Variants in GLIPR2 observed in about 807,000 individuals in gnomAD.
GLIPR2 encodes the protein GLI pathogenesis related 2.
GLIPR2 carries 21 observed loss-of-function variants against 20.4 expected under a neutral mutation model. The ratio of observed to expected loss-of-function variants is 1.03; its 90% CI spans 0.73 to 1.48. The LOEUF (loss-of-function observed/expected upper bound fraction) is 1.48, where lower values mean the gene tolerates loss of function less well. Among genes scored for constraint, GLIPR2 ranks in the 40% most tolerant of loss-of-function variants. The probability of loss-of-function intolerance (pLI) is 0.00; values close to 1 mark genes in which losing one functional copy is unlikely to be tolerated. For missense variants in GLIPR2, 205 were observed against 200.1 expected (o/e 1.02, Z -0.15); for synonymous variants, 91 against 80.5 (o/e 1.13, Z -0.70).
intron 4 of GLIPR2, among the ~76,000 whole-genome samples, chr9:36,154,905 C>T (rs1270318710): frequency 2.0e-5 from 3 of 152,090 alleles, no homozygotes; most frequent in African/African-American, 4.8e-5. Flanking sequence ...GTGGGAGGGT[C>T]GATGGCCCAA....
At position 36,150,920 on chromosome 9, in the gene GLIPR2, T is replaced by A. The variant is rs747389348; in HGVS notation, c.275T>A (p.Phe92Tyr). ...RWYSEIKNYN[F>Y]QQPGFTSGTG... is the part of the protein sequence containing the mutation. ...TACAGTGAAATCAAGAACTATAACT[T>A]CCAGCAGCCTGGCTTCACCTCGGGG... Residue 92 changes from phenylalanine to tyrosine, a missense_variant, in exon 4 of 5, where the codon TTC becomes TAC. Transcript: ENST00000377960. 7 of 1,613,860 alleles carry A rather than the reference T, an allele frequency of 4.3e-6. No individual in the cohort carries two copies. The South Asian group carries it at 5.5e-5, about 13-fold the overall frequency.
intron 1 of GLIPR2, among the ~76,000 whole-genome samples, chr9:36,137,648 AAG>A (rs1269534514): frequency 6.6e-6 from 1 of 152,178 alleles, no homozygotes; most frequent in African/African-American, 2.4e-5. Context: ...GGCCGGGGAC[AAG>A]AGTTCAGCCA....
intron 1 of GLIPR2, among the ~76,000 whole-genome samples, chr9:36,143,429 C>T (rs1215809837): frequency 6.6e-6 from 1 of 152,194 alleles, no homozygotes; most frequent in African/African-American, 2.4e-5. Flanking sequence ...CATGCATCTC[C>T]CGTGGTGTCC....
At chr9:36,140,220 T>C (rs757287099) in intron 1 of GLIPR2, among the ~76,000 whole-genome samples, 5 of 152,098 alleles carry the variant, frequency 3.3e-5, no homozygotes, top group Non-Finnish European at 7.3e-5. Flanking sequence ...CACCCTCTCA[T>C]CAGCTCTAAG....
intron 2 of GLIPR2, 105 bp from the exon 3 acceptor site, chr9:36,148,442 T>C (rs149583971): frequency 1.9e-4 from 140 of 740,992 alleles, no homozygotes; most frequent in Non-Finnish European, 3.0e-4. Flanking sequence ...TGCTCCTCTG[T>C]GAGCCCGGGG....
At chr9:36,147,213 T>G (rs1825366147) in intron 1 of GLIPR2, among the ~76,000 whole-genome samples, 1 of 152,146 alleles carries the variant, frequency 6.6e-6, no homozygotes, top group Non-Finnish European at 1.5e-5. Context: ...TTCCCTCGTC[T>G]CTTTGTCTGT....
chr9:36,136,757 C>T lies in GLIPR2; in HGVS notation c.-22C>T, dbSNP rs1255122925. 2.3e-6 allele frequency: 3 copies of T among 1,285,726 alleles called. No individual in the cohort carries two copies. Among genetic ancestry groups the T allele is most frequent in the Admixed American group, 4.0e-5 (1 of 24,734 alleles). 79.6% of individuals were successfully genotyped at this position (1,285,726 alleles called of 1,614,324 possible). Reference sequence around the variant, plus strand: ...CGCAGTGCAGCGCAGCCGCGGGGAGCGAGGAGCGCGCGGAGCCGGCCATGG... The same window carrying T: ...CGCAGTGCAGCGCAGCCGCGGGGAGTGAGGAGCGCGCGGAGCCGGCCATGG... On this transcript the variant is annotated 5_prime_UTR_variant, in exon 1 of 5. Transcript: ENST00000377960. This position sits in a 1 kb window ranked among gnomAD's most constrained non-coding sequence, Gnocchi z 4.3.
At chr9:36,153,069 C>G (rs535587910) in intron 4 of GLIPR2, among the ~76,000 whole-genome samples, 14 of 145,718 alleles carry the variant, frequency 9.6e-5, no homozygotes, top group African/African-American at 3.6e-4. Context: ...CAGAGGTTGC[C>G]GTGAGCGGAG....
intron 4 of GLIPR2, among the ~76,000 whole-genome samples, chr9:36,156,692 C>T (rs1258175502): frequency 1.3e-5 from 2 of 152,174 alleles, no homozygotes; most frequent in African/African-American, 4.8e-5. Flanking sequence ...AGCTCCGCCT[C>T]CTGTCAGATC....
rs1824847675 is a variant in GLIPR2 at position 36,136,954 on chromosome 9, C to A, written c.13+163C>A. On this transcript the variant is annotated intron_variant, in intron 1 of 4. Coordinates refer to ENST00000377960, the MANE Select transcript of GLIPR2 (RefSeq NM_022343.4). This position sits in a 1 kb window ranked among gnomAD's most constrained non-coding sequence, Gnocchi z 4.3. ...GCGCCCCGGCGCGGTTTCCGGGGAA[C>A]CCGGGGGGAAGGCGAGCCCGAGGGA... 3 of 859,812 alleles carry A rather than the reference C, an allele frequency of 3.5e-6. No homozygotes were observed. The South Asian group carries it at 1.7e-4, about 50-fold the overall frequency. The allele number at this position is 859,812 out of a possible 1,614,324, so 53.3% of individuals were successfully genotyped here.
intron 4 of GLIPR2, among the ~76,000 whole-genome samples, chr9:36,157,713 C>CAT (rs141650170): frequency 0.015 from 1,584 of 106,774 alleles, 21 homozygotes; most frequent in African/African-American, 0.039. Flanking sequence ...CACACACACA[C>CAT]ATATATATAT....
chr9:36,140,309 G>A (rs1182225660), intron 1 of GLIPR2, among the ~76,000 whole-genome samples: 1 of 152,226 alleles, frequency 6.6e-6, no homozygotes, highest in African/African-American at 2.4e-5. Flanking sequence ...GAGCCCAGGA[G>A]TTTTCTACTG....
intron 1 of GLIPR2, among the ~76,000 whole-genome samples, 170 bp from the exon 2 acceptor site, chr9:36,147,616 G>A (rs1825387051): frequency 6.6e-6 from 1 of 152,260 alleles, no homozygotes; most frequent in South Asian, 2.1e-4. Context: ...GGTAGGGTGA[G>A]CAGTGGCGTG....
At chr9:36,138,681 G>A (rs1587123895) in intron 1 of GLIPR2, among the ~76,000 whole-genome samples, 1 of 152,150 alleles carries the variant, frequency 6.6e-6, no homozygotes, top group South Asian at 2.1e-4. Flanking sequence ...GTGCCGGGGC[G>A]TGCATCCACT....
intron 2 of GLIPR2, 102 bp from the exon 3 acceptor site, chr9:36,148,445 G>C: frequency 1.3e-6 from 1 of 759,228 alleles, no homozygotes; most frequent in Admixed American, 2.0e-5. Context: ...TCCTCTGTGA[G>C]CCCGGGGCAG....
intron 1 of GLIPR2, among the ~76,000 whole-genome samples, chr9:36,142,035 C>T (rs1053269322): frequency 6.6e-6 from 1 of 152,090 alleles, no homozygotes; most frequent in Non-Finnish European, 1.5e-5. Context: ...CCAAGTCTGG[C>T]CCCCTGGTAA....
intron 4 of GLIPR2, among the ~76,000 whole-genome samples, chr9:36,152,027 C>A (rs995605323): frequency 6.6e-6 from 1 of 152,224 alleles, no homozygotes; most frequent in African/African-American, 2.4e-5. Context: ...TTCTCAGCGC[C>A]AGTCACCGTT....
At chr9:36,146,365 G>A (rs949890857) in intron 1 of GLIPR2, 15 of 152,278 alleles carry the variant, frequency 9.9e-5, no homozygotes, top group African/African-American at 3.6e-4. Flanking sequence ...AGTTTTGGAG[G>A]GGACGTTCAA....
intron 1 of GLIPR2, among the ~76,000 whole-genome samples, chr9:36,139,283 G>T (rs1244947216): frequency 6.6e-6 from 1 of 151,944 alleles, no homozygotes; most frequent in Admixed American, 6.6e-5. Flanking sequence ...GTTAGAACTG[G>T]TTGAGTCAGA....
Sources: allele counts gnomAD v4.1 joint callset (sites outside exome capture counted in the v4.1 genomes callset), GRCh38; gene constraint gnomAD v4.1.1; non-coding constraint Gnocchi (gnomAD v3.1); transcripts MANE v1.5; gene names NCBI Gene and HGNC (gene_info 2026-07-23, HGNC 2026-07-21).